The following EPS15 variants were observed in gnomAD, a reference collection of about 807,000 sequenced individuals.
EPS15 encodes the protein epidermal growth factor receptor pathway substrate 15, also known as epidermal growth factor receptor substrate 15.
In EPS15, 72 loss-of-function variants were observed where a neutral mutation model predicts 113.8. The ratio of observed to expected loss-of-function variants is 0.63; its 90% CI spans 0.52 to 0.77. The LOEUF is 0.77. Ranked by LOEUF, EPS15 falls within the 30% of genes least tolerant of loss-of-function variation. The pLI, the probability that EPS15 is intolerant of heterozygous loss-of-function variation, is 0.00. For synonymous variants in EPS15, 344 were observed against 363.4 expected (o/e 0.95, Z 0.61); for missense variants, 1,048 against 1,045.8 (o/e 1.00, Z -0.03).
chr1:51,456,002 C>G (rs1014680060), intron 8 of EPS15, among the ~76,000 whole-genome samples: 3 of 150,802 alleles, frequency 2.0e-5, no homozygotes, highest in Non-Finnish European at 3.0e-5. Flanking sequence ...TTTAATTAAA[C>G]TACTGGGCTT....
chr1:51,453,668 A>T (rs1204764348), intron 8 of EPS15, among the ~76,000 whole-genome samples: 1 of 152,188 alleles, frequency 6.6e-6, no homozygotes, highest in East Asian at 1.9e-4. Flanking sequence ...TTTTATTAAT[A>T]AGAATAATAA....
chr1:51,447,616 G>C (rs549858246), intron 9 of EPS15, among the ~76,000 whole-genome samples: 103 of 151,752 alleles, frequency 6.8e-4, no homozygotes, highest in African/African-American at 2.1e-3. Flanking sequence ...AAAGAATCAA[G>C]AGTTAACTAG....
intron 1 of EPS15, among the ~76,000 whole-genome samples, chr1:51,516,135 T>C (rs1246065782): frequency 1.3e-5 from 2 of 152,066 alleles, no homozygotes; most frequent in Admixed American, 1.3e-4. Flanking sequence ...ACAACTGAAT[T>C]AGAAAACATT....
intron 8 of EPS15, among the ~76,000 whole-genome samples, chr1:51,454,882 T>C (rs1190582158): frequency 6.6e-6 from 1 of 151,926 alleles, no homozygotes; most frequent in Non-Finnish European, 1.5e-5. Flanking sequence ...AACTGTGCTC[T>C]CTGCAACTTT....
At position 51,354,838 on chromosome 1, in the gene EPS15, A is replaced by G. The variant is rs781466449; in HGVS notation, c.*1862T>C. On this transcript the variant is annotated 3_prime_UTR_variant, in exon 25 of 25. Coordinates refer to ENST00000371733, the MANE Select transcript of EPS15 (RefSeq NM_001981.3). ...TTTATTACATTGAAAGTTGGTGTTT[A>G]TAAGTTATAGATATTTAATATTTGA... 4 of 200,768 alleles carry G rather than the reference A, an allele frequency of 2.0e-5. No individual in the cohort carries two copies. Among genetic ancestry groups the G allele is most frequent in the East Asian group, 7.7e-5 (1 of 12,998 alleles). 12.4% of individuals were successfully genotyped at this position (200,768 alleles called of 1,614,324 possible). A position where few individuals can be genotyped will look rare whatever the true frequency, so the allele number is the denominator to read the frequency against.
chr1:51,377,273 C>G (rs1212053632), intron 21 of EPS15, among the ~76,000 whole-genome samples: 1 of 152,050 alleles, frequency 6.6e-6, no homozygotes, highest in Middle Eastern at 3.2e-3. Context: ...TCAAACAAAA[C>G]AAAACAAAAA....
chr1:51,369,538 A>T (rs757478614), intron 21 of EPS15, among the ~76,000 whole-genome samples: 2 of 152,242 alleles, frequency 1.3e-5, no homozygotes, highest in Non-Finnish European at 2.9e-5. Flanking sequence ...TTGGAAAAAT[A>T]TATAAAAGTA....
intron 13 of EPS15, among the ~76,000 whole-genome samples, chr1:51,415,167 T>C (rs1650089218): frequency 6.6e-6 from 1 of 152,132 alleles, no homozygotes; most frequent in South Asian, 2.1e-4. Flanking sequence ...TTTTCATAAA[T>C]AATATTTTTA....
chr1:51,461,812 T>C (rs995359553), intron 7 of EPS15: 1 of 152,176 alleles, frequency 6.6e-6, no homozygotes. Context: ...GATCCAGTAG[T>C]AGTAATAATA....
intron 4 of EPS15, among the ~76,000 whole-genome samples, chr1:51,470,415 T>C (rs975029345): frequency 5.3e-5 from 8 of 151,908 alleles, no homozygotes; most frequent in African/African-American, 1.9e-4. Context: ...GAGGCCGAGG[T>C]GGGTGGATCA....
In EPS15 at chr1:51,386,724, G is replaced by C. The variant is rs112455609; in HGVS notation, c.2119+7657C>G. Among the ~76,000 whole-genome samples, 1,079 of 152,268 alleles carry C rather than the reference G, an allele frequency of 7.1e-3. 7 individuals carry two copies. The highest frequency in any genetic ancestry group is 0.025 in the African/African-American group (1,036 of 41,548). On this transcript the variant is annotated intron_variant, in intron 21 of 24. Coordinates refer to ENST00000371733, the MANE Select transcript of EPS15 (RefSeq NM_001981.3). ...AACTGGAAGAAAGGGTATCAGTGAT[G>C]GAAGATGAAATGAATGAAATGAAGC...
intron 12 of EPS15, among the ~76,000 whole-genome samples, chr1:51,425,465 C>CT (rs1557456507): frequency 2.0e-5 from 3 of 152,118 alleles, no homozygotes; most frequent in South Asian, 2.1e-4. Flanking sequence ...AGTTTTATGT[C>CT]TTTTTTCCTA....
At chr1:51,451,925 T>C (rs111532838) in intron 8 of EPS15, among the ~76,000 whole-genome samples, 3 of 151,748 alleles carry the variant, frequency 2.0e-5, no homozygotes, top group African/African-American at 7.3e-5. Context: ...TGGTTTGTTT[T>C]TTGCCCAGCA....
intron 2 of EPS15, among the ~76,000 whole-genome samples, chr1:51,475,495 T>G (rs1055501819): frequency 2.6e-5 from 4 of 152,228 alleles, no homozygotes; most frequent in Non-Finnish European, 5.9e-5. Flanking sequence ...AAGTGTCTGT[T>G]CATATCCTTC....
At chr1:51,484,816 T>C (rs561219643) in intron 1 of EPS15, among the ~76,000 whole-genome samples, 2 of 152,192 alleles carry the variant, frequency 1.3e-5, no homozygotes, top group Non-Finnish European at 2.9e-5. Flanking sequence ...GCATGTACAG[T>C]GACCACAAGA....
Position 51,444,924 on chromosome 1 carries a change from T to C in EPS15, c.919A>G (p.Met307Val). The C allele has an allele frequency of 2.5e-6, 4 of 1,614,006 alleles. No homozygotes were observed. Among genetic ancestry groups the C allele is most frequent in the Non-Finnish European group, 3.4e-6 (4 of 1,179,920 alleles). ...IDPPHVLTPEMIPPSDRASLQ... is the reference protein window; with the variant it reads ...IDPPHVLTPEVIPPSDRASLQ... ...CTGGCCCTGTCTGATGGTGGAATCATTTCAGGAGTAAGAACGTGAGGAGGA... is the reference window on the plus strand; with the variant it reads ...CTGGCCCTGTCTGATGGTGGAATCACTTCAGGAGTAAGAACGTGAGGAGGA... Residue 307 changes from methionine to valine, a missense_variant, in exon 11 of 25, where the codon ATG (methionine) becomes GTG (valine). Coordinates refer to ENST00000371733, the MANE Select transcript of EPS15 (RefSeq NM_001981.3).
At chr1:51,515,439 TC>T (rs1644697432) in intron 1 of EPS15, among the ~76,000 whole-genome samples, 1 of 148,984 alleles carries the variant, frequency 6.7e-6, no homozygotes. Context: ...GCCACTGTAC[TC>T]CAACATGGGT....
At chr1:51,374,693 C>T (rs948172659) in intron 21 of EPS15, among the ~76,000 whole-genome samples, 1 of 152,210 alleles carries the variant, frequency 6.6e-6, no homozygotes, top group African/African-American at 2.4e-5. Flanking sequence ...TGTGTCTATT[C>T]ACCAGAAGCA....
intron 1 of EPS15, among the ~76,000 whole-genome samples, chr1:51,500,466 T>C: frequency 6.6e-6 from 1 of 152,164 alleles, no homozygotes; most frequent in East Asian, 1.9e-4. Flanking sequence ...AGTTACTGGT[T>C]TTTTTATCAT....
Sources: allele counts gnomAD v4.1 joint callset (sites outside exome capture counted in the v4.1 genomes callset), GRCh38; gene constraint gnomAD v4.1.1; transcripts MANE v1.5; gene names NCBI Gene and HGNC (gene_info 2026-07-23, HGNC 2026-07-21).